The following STS variants were observed in gnomAD, a reference collection of about 807,000 sequenced individuals.
STS encodes steryl-sulfatase.
STS carries 7 observed loss-of-function variants against 26.8 expected under a neutral mutation model. The observed-to-expected ratio is 0.26, with a 90% CI of 0.15 to 0.49. The LOEUF is 0.49. STS is among the 20% of genes least tolerant of loss of function. STS has a pLI of 0.98. For synonymous variants in STS, 199 were observed against 189.4 expected (o/e 1.05, Z -0.42); for missense variants, 434 against 465.6 (o/e 0.93, Z 0.63).
chrX:7,226,973 G>A lies in STS; in HGVS notation c.-4-26223G>A, dbSNP rs751367339. ...TTTCCGTTTTTCGTTGTTTTGTTTT[G>A]TTTTTATTTTAGCCACCGTAGGGGT... On this transcript the variant is annotated intron_variant, in intron 2 of 10. Coordinates refer to ENST00000674429, the MANE Select transcript of STS (RefSeq NM_001320752.2). Among the ~76,000 whole-genome samples the A allele has an allele frequency of 1.6e-3, 176 of 111,852 alleles. 3 individuals carry two copies. The highest frequency in any genetic ancestry group is 2.0e-3 in the Admixed American group (21 of 10,537).
At chrX:7,185,274 T>C (rs1318090900) in intron 1 of STS, among the ~76,000 whole-genome samples, 1 of 112,926 alleles carries the variant, frequency 8.9e-6, no homozygotes, top group Non-Finnish European at 1.9e-5. Flanking sequence ...AACCCTATCA[T>C]CTAGGTCAGG....
At chrX:7,204,262 C>G (rs770514728) in intron 2 of STS, among the ~76,000 whole-genome samples, 6 of 111,118 alleles carry the variant, frequency 5.4e-5, no homozygotes, top group East Asian at 2.8e-4. Context: ...ATTTTCTAAC[C>G]CAAGTGTTGG....
At chrX:7,314,174 G>A (rs1184118869) in intron 8 of STS, among the ~76,000 whole-genome samples, 2 of 111,697 alleles carry the variant, frequency 1.8e-5, no homozygotes, top group African/African-American at 6.5e-5. Flanking sequence ...GGGCAGCATA[G>A]TTAGACCCCA....
Position 7,324,352 on chromosome X carries a change from A to G in STS, c.1082-987A>G, listed in dbSNP as rs757073973. Among the ~76,000 whole-genome samples the G allele has an allele frequency of 2.7e-5, 3 of 110,800 alleles. No individual in the cohort carries two copies. In the South Asian group the frequency reaches 1.2e-3, roughly 43 times the overall value. On this transcript the variant is annotated intron_variant, in intron 8 of 10. Transcript: ENST00000674429. ...GAAACCTCCACGTAGCAGGCTTCAGAGAGAACAGATTGTACGTGTTTCTTA... is the reference window on the plus strand; with the variant it reads ...GAAACCTCCACGTAGCAGGCTTCAGGGAGAACAGATTGTACGTGTTTCTTA...
intron 2 of STS, among the ~76,000 whole-genome samples, chrX:7,205,081 C>G (rs1934179733): frequency 8.9e-6 from 1 of 111,749 alleles, no homozygotes; most frequent in South Asian, 3.7e-4. Flanking sequence ...GGTACCCAGA[C>G]TCCATGGACA....
chrX:7,277,039 G>A (rs148801812), intron 7 of STS, among the ~76,000 whole-genome samples: 39 of 111,542 alleles, frequency 3.5e-4, no homozygotes, highest in African/African-American at 1.2e-3. Flanking sequence ...GCAATCTCAT[G>A]CTGAATGAGG....
intron 2 of STS, among the ~76,000 whole-genome samples, chrX:7,244,154 A>G (rs764844618): frequency 1.8e-5 from 2 of 112,048 alleles, no homozygotes; most frequent in East Asian, 2.8e-4. Context: ...GGCAAGGAGC[A>G]TGATGCTGTT....
At chrX:7,154,038 C>T (rs1933084278) in intron 1 of STS, among the ~76,000 whole-genome samples, 1 of 110,854 alleles carries the variant, frequency 9.0e-6, no homozygotes, top group African/African-American at 3.3e-5. Flanking sequence ...TCTGGCGTAG[C>T]TCCCTCTCTC....
intron 6 of STS, 121 bp from the exon 7 acceptor site, chrX:7,275,830 T>C: frequency 1.2e-6 from 1 of 848,567 alleles, no homozygotes; most frequent in Admixed American, 2.9e-5. Flanking sequence ...ACTTGTAATA[T>C]TTTGTGAATT....
At chrX:7,261,417 A>C (rs1475226316) in intron 6 of STS, among the ~76,000 whole-genome samples, 1 of 112,600 alleles carries the variant, frequency 8.9e-6, no homozygotes, top group Admixed American at 9.4e-5. Context: ...ATTTAATTTA[A>C]AAACAAGCAA....
chrX:7,307,404 C>T (rs1056338617), intron 8 of STS, among the ~76,000 whole-genome samples: 8 of 111,091 alleles, frequency 7.2e-5, no homozygotes, highest in African/African-American at 2.0e-4. Context: ...ACATCCACAC[C>T]GAGGTTTTGC....
At chrX:7,308,494 T>C (rs1394090516) in intron 8 of STS, among the ~76,000 whole-genome samples, 1 of 111,563 alleles carries the variant, frequency 9.0e-6, no homozygotes, top group African/African-American at 3.3e-5. Context: ...TCACCAGGGT[T>C]CAGAGACACG....
intron 7 of STS, among the ~76,000 whole-genome samples, chrX:7,302,085 T>C (rs1925991690): frequency 9.0e-6 from 1 of 111,673 alleles, no homozygotes; most frequent in Non-Finnish European, 1.9e-5. Context: ...GGAAATTTCT[T>C]TGCAGCATTT....
At chrX:7,205,808 G>GTC (rs1411415617) in intron 2 of STS, among the ~76,000 whole-genome samples, 1 of 108,618 alleles carries the variant, frequency 9.2e-6, no homozygotes, top group Non-Finnish European at 1.9e-5. Context: ...TAGAGACAAG[G>GTC]TCTCGCTATA....
intron 7 of STS, among the ~76,000 whole-genome samples, chrX:7,290,265 G>A (rs902090965): frequency 1.8e-5 from 2 of 111,365 alleles, no homozygotes; most frequent in African/African-American, 6.5e-5. Context: ...GGGGTTCAGT[G>A]CTGTGTTGCC....
chrX:7,301,233 C>CAA lies in STS; in HGVS notation c.944-3804_944-3803dup, dbSNP rs11418197. ...TGAGACCCAATCTCTACAACGAATA[C>CAA]AAAAAAAAAATAGCCAGGCATGGTG... On this transcript the variant is annotated intron_variant, in intron 7 of 10. Coordinates refer to ENST00000674429, the MANE Select transcript of STS (RefSeq NM_001320752.2). Among the ~76,000 whole-genome samples the CAA allele has an allele frequency of 2.4e-3, 240 of 101,619 alleles. 2 individuals carry two copies. In the South Asian group the frequency reaches 0.025, roughly 11 times the overall value. 88.2% of individuals were successfully genotyped at this position (101,619 alleles called of 115,157 possible). A position where few individuals can be genotyped will look rare whatever the true frequency, so the allele number is the denominator to read the frequency against.
At chrX:7,324,457 C>G (rs1374290440) in intron 8 of STS, among the ~76,000 whole-genome samples, 1 of 111,896 alleles carries the variant, frequency 8.9e-6, no homozygotes, top group African/African-American at 3.2e-5. Context: ...AGGAGATTGT[C>G]TACAGAATGT....
chrX:7,179,012 CTG>C (rs1491482824), intron 1 of STS, among the ~76,000 whole-genome samples: 2 of 110,252 alleles, frequency 1.8e-5, no homozygotes, highest in East Asian at 5.8e-4. Context: ...CTGGCTTTCT[CTG>C]TCCTTCTCAT....
chrX:7,223,310 G>A (rs1157218677), intron 2 of STS, among the ~76,000 whole-genome samples: 1 of 111,783 alleles, frequency 8.9e-6, no homozygotes, highest in Non-Finnish European at 1.9e-5. Flanking sequence ...TTAATTCTTT[G>A]AGAAATCTCC....
Sources: gnomAD v4.1 joint callset for allele counts (sites outside exome capture counted in the v4.1 genomes callset) on GRCh38, gnomAD v4.1.1 for gene constraint, MANE v1.5 for transcripts, NCBI Gene and HGNC (gene_info 2026-07-23, HGNC 2026-07-21) for gene names.